Variants in NBEA observed in about 807,000 individuals in gnomAD.
NBEA encodes lysosomal-trafficking regulator 2.
A neutral mutation model predicts 343.4 loss-of-function variants in NBEA; 44 were observed. The observed-to-expected ratio is 0.13, with a 90% CI of 0.10 to 0.16. The LOEUF is 0.16. Ranked by LOEUF, NBEA falls within the 10% of genes least tolerant of loss-of-function variation. NBEA has a pLI of 1.00. For missense variants in NBEA, 2,555 were observed against 3,631.3 expected, an observed-to-expected ratio of 0.70 and a Z score of 7.62; for synonymous variants, 1,175 against 1,238.7, an observed-to-expected ratio of 0.95 and a Z score of 1.08.
chr13:35,321,125 T>C (rs1395720988), intron 36 of NBEA, among the ~76,000 whole-genome samples: 3 of 152,110 alleles, frequency 2.0e-5, no homozygotes, highest in Admixed American at 2.0e-4. Context: ...CCATCCAGTT[T>C]CGTTCCCCTG....
intron 53 of NBEA, 64 bp from the exon 54 acceptor site, chr13:35,654,791 T>C: frequency 7.4e-7 from 1 of 1,355,664 alleles, no homozygotes; most frequent in Non-Finnish European, 1.0e-6. Flanking sequence ...GTTTTCCTTC[T>C]TTGAGTGCTT....
intron 31 of NBEA, among the ~76,000 whole-genome samples, chr13:35,197,310 C>A (rs1421022638): frequency 6.6e-6 from 1 of 152,026 alleles, no homozygotes; most frequent in African/African-American, 2.4e-5. Flanking sequence ...AGGTGATTGA[C>A]AAGCAAGTGT....
intron 48 of NBEA, among the ~76,000 whole-genome samples, chr13:35,614,480 A>G (rs1177788644): frequency 6.6e-6 from 1 of 152,186 alleles, no homozygotes; most frequent in Non-Finnish European, 1.5e-5. Flanking sequence ...TCTCTTCTAG[A>G]CTACAAAACC....
intron 49 of NBEA, among the ~76,000 whole-genome samples, 163 bp downstream of exon 49, chr13:35,628,411 G>A (rs2083316480): frequency 6.6e-6 from 1 of 152,156 alleles, no homozygotes; most frequent in Non-Finnish European, 1.5e-5. Flanking sequence ...CCCAAAACAA[G>A]TAATGCAACC....
At chr13:34,943,884 T>A (rs576457130) in intron 1 of NBEA, among the ~76,000 whole-genome samples, 18 of 152,306 alleles carry the variant, frequency 1.2e-4, no homozygotes, top group Non-Finnish European at 2.2e-4. Flanking sequence ...TAGGTTTTGG[T>A]TCCTTTCATG....
intron 1 of NBEA, among the ~76,000 whole-genome samples, chr13:35,002,200 A>G (rs1236620570): frequency 6.6e-6 from 1 of 152,190 alleles, no homozygotes; most frequent in Admixed American, 6.5e-5. Flanking sequence ...CTAACAGGTT[A>G]CATACAGTTT....
At chr13:35,122,637 T>TGCA (rs2066868264) in intron 16 of NBEA, among the ~76,000 whole-genome samples, 1 of 151,290 alleles carries the variant, frequency 6.6e-6, no homozygotes, top group Admixed American at 6.6e-5. Context: ...AGTTAAGGGG[T>TGCA]GCAGCACACC....
At chr13:35,253,686 G>A (rs181907937) in intron 34 of NBEA, among the ~76,000 whole-genome samples, 2 of 152,262 alleles carry the variant, frequency 1.3e-5, no homozygotes, top group African/African-American at 2.4e-5. Flanking sequence ...ATTCTTTTAT[G>A]TATTATCTAG....
chr13:35,413,728 A>G (rs150878739), intron 38 of NBEA, among the ~76,000 whole-genome samples: 2,426 of 152,192 alleles, frequency 0.016, 30 homozygotes, highest in Middle Eastern at 0.024. Flanking sequence ...TTAATTATTG[A>G]TTGTTCATAT....
At chr13:35,250,516 A>G (rs1227533732) in intron 34 of NBEA, among the ~76,000 whole-genome samples, 5 of 152,240 alleles carry the variant, frequency 3.3e-5, no homozygotes, top group African/African-American at 1.2e-4. Context: ...TATAAAATTT[A>G]TACTTAAAAT....
chr13:35,267,248 A>G (rs1363010702), intron 34 of NBEA, among the ~76,000 whole-genome samples: 1 of 151,912 alleles, frequency 6.6e-6, no homozygotes, highest in Non-Finnish European at 1.5e-5. Context: ...GAAAAATGCT[A>G]TGAGGGTGAA....
intron 45 of NBEA, among the ~76,000 whole-genome samples, chr13:35,570,460 G>A (rs1467718373): frequency 6.6e-6 from 1 of 152,178 alleles, no homozygotes; most frequent in South Asian, 2.1e-4. Flanking sequence ...TAAACAGACG[G>A]AGCCTAAATA....
chr13:35,306,168 T>C (rs2036880645), intron 35 of NBEA, among the ~76,000 whole-genome samples: 1 of 152,166 alleles, frequency 6.6e-6, no homozygotes. Flanking sequence ...ATTCTTTATA[T>C]AAACTTTTAT....
chr13:35,620,107 C>G (rs1371017033), intron 48 of NBEA, among the ~76,000 whole-genome samples: 2 of 152,126 alleles, frequency 1.3e-5, no homozygotes, highest in Non-Finnish European at 2.9e-5. Context: ...AGTGTTTATT[C>G]AACAGATACC....
chr13:35,188,298 T>G (rs960458785), intron 30 of NBEA, among the ~76,000 whole-genome samples: 11 of 152,022 alleles, frequency 7.2e-5, no homozygotes, highest in Non-Finnish European at 1.5e-4. Context: ...TCTCAGCAGT[T>G]TTCAAGTACT....
intron 21 of NBEA, among the ~76,000 whole-genome samples, chr13:35,157,731 A>T (rs1018680016): frequency 1.3e-5 from 2 of 152,118 alleles, no homozygotes; most frequent in African/African-American, 4.8e-5. Context: ...AAAAATCTGT[A>T]TGTCTATTTT....
intron 1 of NBEA, among the ~76,000 whole-genome samples, chr13:35,011,075 T>C (rs1459881627): frequency 6.6e-6 from 1 of 151,728 alleles, no homozygotes; most frequent in Non-Finnish European, 1.5e-5. Flanking sequence ...GGAACAGGTA[T>C]GGAATGTAGA....
rs1356094487 is a variant in NBEA at position 35,142,260 on chromosome 13, T to C, written c.2337-9T>C. On this transcript the variant is annotated splice_polypyrimidine_tract_variant and intron_variant, in intron 17 of 58. Coordinates refer to ENST00000379939, the MANE Select transcript of NBEA (RefSeq NM_001385012.1). ...TTCATGGTGTTTTATTTTTCCTCCTTCTCTCCAGGAGAAAAGTTGAAATTA... is the reference window on the plus strand; with the variant it reads ...TTCATGGTGTTTTATTTTTCCTCCTCCTCTCCAGGAGAAAAGTTGAAATTA... 2 of 1,589,934 alleles carry C rather than the reference T, an allele frequency of 1.3e-6. No individual in the cohort carries two copies. Among genetic ancestry groups the C allele is most frequent in the African/African-American group, 1.3e-5 (1 of 74,430 alleles).
chr13:35,484,581 G>A (rs2076244545), intron 41 of NBEA, among the ~76,000 whole-genome samples: 1 of 148,922 alleles, frequency 6.7e-6, no homozygotes, highest in Non-Finnish European at 1.5e-5. Context: ...AAAGCCATAT[G>A]TGTTTAAATA....
Sources: allele counts gnomAD v4.1 joint callset (sites outside exome capture counted in the v4.1 genomes callset), GRCh38; gene constraint gnomAD v4.1.1; transcripts MANE v1.5; gene names NCBI Gene and HGNC (gene_info 2026-07-23, HGNC 2026-07-21).